FAM110B: variants seen among roughly 807,000 people sequenced by gnomAD.
The protein encoded by FAM110B is protein FAM110B.
FAM110B carries 6 observed loss-of-function variants against 20.4 expected under a neutral mutation model. That is an observed-to-expected ratio of 0.29 (90% CI 0.16 to 0.58). The LOEUF (loss-of-function observed/expected upper bound fraction) is 0.58. Ranked by LOEUF, FAM110B falls within the 20% of genes least tolerant of loss-of-function variation. The pLI is 0.90. For synonymous variants in FAM110B, 226 were observed against 214.1 expected (o/e 1.06, Z -0.49); for missense variants, 434 against 498.2 (o/e 0.87, Z 1.23).
At chr8:58,078,032 A>G (rs1254958816) in intron 3 of FAM110B, among the ~76,000 whole-genome samples, 1 of 152,236 alleles carries the variant, frequency 6.6e-6, no homozygotes, top group Non-Finnish European at 1.5e-5. Flanking sequence ...TCTGTATCCA[A>G]ATGTTTTTAA....
In FAM110B at chr8:58,146,186, C is replaced by T. The variant is rs1252275614; in HGVS notation, c.-45C>T. 4.5e-6 allele frequency: 7 copies of T among 1,550,738 alleles called. No homozygotes were observed. The highest frequency in any genetic ancestry group is 3.7e-5 in the Admixed American group (2 of 53,418). ...TGTCTATTCAGGCCTTGCGGAGGCG[C>T]CCAGAAGAGCATCCAACACGGCTGC... On this transcript the variant is annotated 5_prime_UTR_variant, in exon 4 of 4. Transcript: ENST00000519262.
chr8:58,139,492 G>A (rs963590916), intron 3 of FAM110B, among the ~76,000 whole-genome samples: 3 of 152,178 alleles, frequency 2.0e-5, no homozygotes, highest in African/African-American at 7.2e-5. Context: ...AGTGTGCAAA[G>A]TCAGTCTTTT....
At chr8:58,120,070 C>T (rs1316769041) in intron 3 of FAM110B, among the ~76,000 whole-genome samples, 1 of 152,196 alleles carries the variant, frequency 6.6e-6, no homozygotes, top group Non-Finnish European at 1.5e-5. Flanking sequence ...ACTCTGAGGA[C>T]ACCTTCCTCA....
Position 58,126,217 on chromosome 8 carries a change from A to G in FAM110B, c.-324-19690A>G, listed in dbSNP as rs939358115. ...TCCTCAGATACATCCCAGTCGTTGC[A>G]TGCCTCAATAGTTCGTTCCTTTTCA... is the stretch of plus-strand genomic sequence containing the variant. On this transcript the variant is annotated intron_variant, in intron 3 of 3. Coordinates refer to ENST00000519262, the MANE Select transcript of FAM110B (RefSeq NM_001377989.1). Among the ~76,000 whole-genome samples the G allele has an allele frequency of 3.3e-5, 5 of 151,302 alleles. 1 individual carries two copies. Among genetic ancestry groups the G allele is most frequent in the Non-Finnish European group, 7.4e-5 (5 of 67,574 alleles).
At chr8:58,034,183 A>G (rs1278199775) in intron 2 of FAM110B, among the ~76,000 whole-genome samples, 1 of 152,188 alleles carries the variant, frequency 6.6e-6, no homozygotes, top group Non-Finnish European at 1.5e-5. Context: ...ATCTGTCTAG[A>G]CCAAGGCTTG....
At chr8:58,132,703 G>C (rs537162616) in intron 3 of FAM110B, among the ~76,000 whole-genome samples, 1 of 152,300 alleles carries the variant, frequency 6.6e-6, no homozygotes, top group African/African-American at 2.4e-5. Flanking sequence ...AATGATTGCT[G>C]CTGTGGTTCC....
chr8:58,082,931 C>G (rs554315843), intron 3 of FAM110B, among the ~76,000 whole-genome samples: 1 of 149,612 alleles, frequency 6.7e-6, no homozygotes, highest in African/African-American at 2.5e-5. Flanking sequence ...ATCACTTGAG[C>G]CTAGGAGTTT....
At chr8:58,000,424 C>T (rs922669674) in intron 1 of FAM110B, among the ~76,000 whole-genome samples, 71 of 152,190 alleles carry the variant, frequency 4.7e-4, no homozygotes, top group African/African-American at 1.6e-3. Context: ...TATTTTTCAA[C>T]AGGAAATCAT....
chr8:58,123,293 T>A (rs564250922), intron 3 of FAM110B, among the ~76,000 whole-genome samples: 1 of 152,226 alleles, frequency 6.6e-6, no homozygotes, highest in South Asian at 2.1e-4. Flanking sequence ...GAGCCCACAC[T>A]CTCTCAGTTC....
intron 3 of FAM110B, among the ~76,000 whole-genome samples, chr8:58,127,416 G>C (rs1807535008): frequency 6.6e-6 from 1 of 152,052 alleles, no homozygotes; most frequent in Non-Finnish European, 1.5e-5. Context: ...GCATAATCTT[G>C]CATAAGCTCG....
intron 2 of FAM110B, among the ~76,000 whole-genome samples, chr8:58,064,663 G>C (rs1018864884): frequency 2.0e-5 from 3 of 152,156 alleles, no homozygotes; most frequent in Admixed American, 6.6e-5. Flanking sequence ...GGAGAATTTA[G>C]ATGATGTTTA....
intron 3 of FAM110B, among the ~76,000 whole-genome samples, chr8:58,076,208 C>T (rs1806032811): frequency 6.6e-6 from 1 of 152,198 alleles, no homozygotes; most frequent in African/African-American, 2.4e-5. Flanking sequence ...AGTCCTTCCA[C>T]CTCGCCGTTG....
At position 58,146,005 on chromosome 8, in the gene FAM110B, G is replaced by C. The variant is rs1052561982; in HGVS notation, c.-226G>C. 1 of 500,538 alleles carries C rather than the reference G, an allele frequency of 2.0e-6. No homozygotes were observed. The highest frequency in any genetic ancestry group is 3.5e-6 in the Non-Finnish European group (1 of 282,514). The allele number at this position is 500,538 out of a possible 1,614,324, so 31.0% of individuals were successfully genotyped here. ...AGCAGATTAAAGGAACTTGTGGCTT[G>C]TGGCCTTTTTGTGCAAGGGCCGCCT... On this transcript the variant is annotated 5_prime_UTR_variant, in exon 4 of 4. Coordinates refer to ENST00000519262, the MANE Select transcript of FAM110B (RefSeq NM_001377989.1).
intron 1 of FAM110B, among the ~76,000 whole-genome samples, chr8:57,998,843 C>G (rs144988829): frequency 6.6e-6 from 1 of 152,166 alleles, no homozygotes; most frequent in Non-Finnish European, 1.5e-5. Flanking sequence ...TTAAAACAAC[C>G]TGAGTTTGTT....
chr8:58,107,749 G>C (rs1806955752), intron 3 of FAM110B, among the ~76,000 whole-genome samples: 1 of 152,206 alleles, frequency 6.6e-6, no homozygotes, highest in Non-Finnish European at 1.5e-5. Context: ...CAGTTTTGGA[G>C]AGTGTTCCTG....
chr8:58,075,267 T>TGTGTGTGTG lies in FAM110B; in HGVS notation c.-413-268_-413-267insGTGTGTGTG, dbSNP rs1554521043. ...CCACACTGAACTAATTTTTGCTTTT[T>TGTGTGTGTG]TTTTTTTTTGTGTGTGTGTGTGTGT... On this transcript the variant is annotated intron_variant, in intron 2 of 3. Transcript: ENST00000519262. Among the ~76,000 whole-genome samples, 101 of 134,236 alleles carry TGTGTGTGTG rather than the reference T, an allele frequency of 7.5e-4. 1 individual carries two copies. Among genetic ancestry groups the TGTGTGTGTG allele is most frequent in the African/African-American group, 2.8e-3 (78 of 27,546 alleles). 88.1% of individuals were successfully genotyped at this position (134,236 alleles called of 152,430 possible). A position where few individuals can be genotyped will look rare whatever the true frequency, so the allele number is the denominator to read the frequency against.
intron 3 of FAM110B, among the ~76,000 whole-genome samples, chr8:58,099,476 C>T (rs1806722373): frequency 6.6e-6 from 1 of 151,988 alleles, no homozygotes; most frequent in African/African-American, 2.4e-5. Flanking sequence ...AAAAATTAAA[C>T]ACGTTTAACT....
chr8:58,137,526 C>T (rs1279247288), intron 3 of FAM110B, among the ~76,000 whole-genome samples: 1 of 152,090 alleles, frequency 6.6e-6, no homozygotes, highest in Non-Finnish European at 1.5e-5. Context: ...CGCCATTGCA[C>T]TCCAGCCTGG....
intron 3 of FAM110B, among the ~76,000 whole-genome samples, chr8:58,144,301 G>T (rs948951736): frequency 6.6e-6 from 1 of 152,204 alleles, no homozygotes; most frequent in Non-Finnish European, 1.5e-5. Context: ...CTGTAAAGAG[G>T]ATGAGATTGT....
Sources: allele counts gnomAD v4.1 joint callset (sites outside exome capture counted in the v4.1 genomes callset), GRCh38; gene constraint gnomAD v4.1.1; transcripts MANE v1.5; gene names NCBI Gene and HGNC (gene_info 2026-07-23, HGNC 2026-07-21).